The following COL6A6 variants were observed in gnomAD, a reference collection of about 807,000 sequenced individuals.
COL6A6 encodes the protein collagen type VI alpha 6 chain.
In COL6A6, 183 loss-of-function variants were observed where a neutral mutation model predicts 208.6. The observed-to-expected ratio is 0.88, with a 90% CI of 0.78 to 0.99. The LOEUF is 0.99. Ranked by LOEUF, COL6A6 falls within the 50% of genes least tolerant of loss-of-function variation. COL6A6 has a pLI of 0.00. For synonymous variants in COL6A6, 973 were observed against 1,011.8 expected (o/e 0.96, Z 0.73); for missense variants, 2,816 against 2,815.2 (o/e 1.00, Z -0.01).
At chr3:130,520,895 G>A (rs1353276764) in intron 1 of COL6A6, among the ~76,000 whole-genome samples, 2 of 152,036 alleles carry the variant, frequency 1.3e-5, no homozygotes, top group African/African-American at 2.4e-5. Flanking sequence ...TAACAGTCCC[G>A]AAGAACAAGT....
intron 21 of COL6A6, 32 bp downstream of exon 21, chr3:130,606,998 A>G (rs745333486): frequency 1.3e-6 from 2 of 1,548,608 alleles, no homozygotes; most frequent in Non-Finnish European, 1.8e-6. Flanking sequence ...ACTCCAAATA[A>G]CAAATACTGC....
At chr3:130,587,338 G>A (rs2063564901) in intron 11 of COL6A6, among the ~76,000 whole-genome samples, 2 of 152,162 alleles carry the variant, frequency 1.3e-5, no homozygotes, top group Non-Finnish European at 2.9e-5. Flanking sequence ...TCAGCTTATT[G>A]CAATCTCTGC....
chr3:130,660,570 A>G lies in COL6A6; in HGVS notation c.5831-1067A>G, dbSNP rs535312301. On this transcript the variant is annotated intron_variant, in intron 34 of 36. Coordinates refer to ENST00000358511, the MANE Select transcript of COL6A6 (RefSeq NM_001102608.3). ...AGGCTATTTTCATCCTCAACCATCA[A>G]CTACTATTGAAAACCCAGGATTACA... 3.9e-5 allele frequency among the ~76,000 whole-genome samples: 6 copies of G among 152,364 alleles called. No individual in the cohort carries two copies. The East Asian group carries it at 1.2e-3, about 29-fold the overall frequency.
chr3:130,661,926 T>A lies in COL6A6; in HGVS notation c.6120T>A (p.Ser2040Arg). Reference protein sequence around the residue: ...RAEFNLTTYRSKRLMKRHVHE... With the variant: ...RAEFNLTTYRRKRLMKRHVHE... ...AGTTCAATCTTACCACCTACAGAAG[T>A]AAGCGCCTCATGAAGAGGCATGTGC... Residue 2040 changes from serine to arginine, a missense_variant, in exon 35 of 37, where the codon AGT becomes AGA. Transcript: ENST00000358511. 1 of 1,613,984 alleles carries A rather than the reference T, an allele frequency of 6.2e-7. No individual in the cohort carries two copies.
chr3:130,602,433 AAG>A (rs1020589055), intron 20 of COL6A6, among the ~76,000 whole-genome samples: 1 of 152,222 alleles, frequency 6.6e-6, no homozygotes, highest in African/African-American at 2.4e-5. Context: ...CTGCAAGAGA[AAG>A]AAAACCATGG....
rs1396293715 is a variant in COL6A6, at chr3:130,675,727, T to G, written c.*330T>G. On this transcript the variant is annotated 3_prime_UTR_variant, in exon 37 of 37. Transcript: ENST00000358511. ...ACATGGGTCAATGTTAATTCTTTTA[T>G]CTCTGTCCAGTTCATTTTCTGCAAA... 5.5e-6 allele frequency: 1 copy of G among 181,502 alleles called. No individual in the cohort carries two copies. Among genetic ancestry groups the G allele is most frequent in the Non-Finnish European group, 1.1e-5 (1 of 87,724 alleles). The allele number at this position is 181,502 out of a possible 1,614,324, so 11.2% of individuals were successfully genotyped here. A position where few individuals can be genotyped will look rare whatever the true frequency, so the allele number is the denominator to read the frequency against.
rs1473046809 is a variant in COL6A6 at position 130,635,743 on chromosome 3, G to A, written c.5073G>A (p.Lys1691=). 6.2e-7 allele frequency: 1 copy of A among 1,612,360 alleles called. No homozygotes were observed. The highest frequency in any genetic ancestry group is 8.5e-7 in the Non-Finnish European group (1 of 1,178,580). Residue 1691 remains lysine (K), a synonymous_variant, in exon 28 of 37, where the codon AAG becomes AAA. Transcript: ENST00000358511. ...GTGGTCCAGGAGAGACTGGGCTGAA[G>A]GGAGCTAGAGGCAAAATGGTAAGCT... ...DPGGPGETGL[K]GARGKMISAG...
intron 1 of COL6A6, among the ~76,000 whole-genome samples, chr3:130,525,840 C>G (rs1228678943): frequency 1.3e-5 from 2 of 152,172 alleles, no homozygotes; most frequent in Non-Finnish European, 2.9e-5. Flanking sequence ...CACATTCCTC[C>G]TGGGCTAGTT....
At chr3:130,595,690 G>A (rs1360648149) in intron 18 of COL6A6, among the ~76,000 whole-genome samples, 1 of 152,112 alleles carries the variant, frequency 6.6e-6, no homozygotes, top group African/African-American at 2.4e-5. Context: ...AATATACCAT[G>A]ATTTATTTGT....
At chr3:130,668,008 T>C (rs1471045178) in intron 36 of COL6A6, among the ~76,000 whole-genome samples, 1 of 151,466 alleles carries the variant, frequency 6.6e-6, no homozygotes, top group Non-Finnish European at 1.5e-5. Context: ...ATAATTATTT[T>C]TTAAAAATAA....
In COL6A6 at chr3:130,675,373, A is replaced by G. The variant is rs780094049; in HGVS notation, c.6768A>G (p.Glu2256=). The G allele has an allele frequency of 1.3e-6, 2 of 1,590,618 alleles. No individual in the cohort carries two copies. The highest frequency in any genetic ancestry group is 1.7e-6 in the Non-Finnish European group (2 of 1,168,872). Residue 2256 remains glutamate, a synonymous_variant, in exon 37 of 37, where the codon GAA becomes GAG. Transcript: ENST00000358511. ...SHTFKNGRMI[E]SAPKQHD ...CCTTTAAGAATGGAAGGATGATAGA[A>G]AGTGCTCCCAAACAACATGATTAAA...
Position 130,662,053 on chromosome 3 carries a change from A to C in COL6A6, c.6247A>C (p.Lys2083Gln). Residue 2083 changes from lysine to glutamine, a missense_variant, in exon 35 of 37, where the codon AAA becomes CAA. Lys to Gln is a moderately conservative substitution (Grantham distance 53, BLOSUM62 1). Transcript: ENST00000358511. The stretch of plus-strand genomic sequence containing the variant: ...AAGTACACCCAATCTGAGAAGAAAC[A>C]AAGTCATATTTGTGATATCTGCTGG... ...FLSTPNLRRN[K>Q]VIFVISAGET... 1 of 1,614,030 alleles carries C rather than the reference A, an allele frequency of 6.2e-7. No homozygotes were observed. Among genetic ancestry groups the C allele is most frequent in the Middle Eastern group, 1.6e-4 (1 of 6,062 alleles).
At chr3:130,638,133 T>C (rs905163783) in intron 28 of COL6A6, among the ~76,000 whole-genome samples, 6 of 151,516 alleles carry the variant, frequency 4.0e-5, no homozygotes, top group Non-Finnish European at 7.4e-5. Flanking sequence ...AAGTTTGTTA[T>C]ATTAAAAAAA....
rs144960186 is a variant in COL6A6 at position 130,606,760 on chromosome 3, T to G, written c.4654-171T>G. 5.3e-3 allele frequency among the ~76,000 whole-genome samples: 800 copies of G among 152,330 alleles called. 4 individuals carry two copies. The highest frequency in any genetic ancestry group is 0.017 in the African/African-American group (714 of 41,572). ...TATTCAATTGCCCTAGGATAGAAAT[T>G]TAGATTTAGCAGTATTTTGCTTTCA... On this transcript the variant is annotated intron_variant, in intron 20 of 36. Transcript: ENST00000358511.
chr3:130,521,337 A>T (rs982432514), intron 1 of COL6A6, among the ~76,000 whole-genome samples: 2 of 152,232 alleles, frequency 1.3e-5, no homozygotes, highest in Admixed American at 1.3e-4. Context: ...AACTTTGAAG[A>T]TCATAAGCAA....
At chr3:130,575,798 G>C (rs2063280985) in intron 8 of COL6A6, among the ~76,000 whole-genome samples, 1 of 152,180 alleles carries the variant, frequency 6.6e-6, no homozygotes, top group Non-Finnish European at 1.5e-5. Flanking sequence ...CGTGTCTAAA[G>C]CTGGGTCCAT....
chr3:130,558,599 T>A (rs2062816388), intron 1 of COL6A6, among the ~76,000 whole-genome samples: 1 of 152,220 alleles, frequency 6.6e-6, no homozygotes, highest in Admixed American at 6.5e-5. Flanking sequence ...CAGATGTTCA[T>A]CCTTCACTCA....
In COL6A6 at chr3:130,676,241, A is replaced by G. The variant is rs1459908311; in HGVS notation, c.*844A>G. 2 of 152,242 alleles carry G rather than the reference A, an allele frequency of 1.3e-5. No homozygotes were observed. Among genetic ancestry groups the G allele is most frequent in the African/African-American group, 2.4e-5 (1 of 41,470 alleles). 9.4% of individuals were successfully genotyped at this position (152,242 alleles called of 1,614,324 possible). A position where few individuals can be genotyped will look rare whatever the true frequency, so the allele number is the denominator to read the frequency against. On this transcript the variant is annotated 3_prime_UTR_variant, in exon 37 of 37. Coordinates refer to ENST00000358511, the MANE Select transcript of COL6A6 (RefSeq NM_001102608.3). ...TACCCATCAGGTAGCTGTTTAGTCAATAATAAACAGCACCAAAACAGGATT... is the reference window on the plus strand; with the variant it reads ...TACCCATCAGGTAGCTGTTTAGTCAGTAATAAACAGCACCAAAACAGGATT...
chr3:130,634,226 T>TAAAAAAAA (rs1559769541), intron 26 of COL6A6, among the ~76,000 whole-genome samples: 1 of 69,432 alleles, frequency 1.4e-5, no homozygotes, highest in East Asian at 4.1e-4. Context: ...AATAAATAAA[T>TAAAAAAAA]AAATAAATAA....
Sources: gnomAD v4.1 joint callset for allele counts (sites outside exome capture counted in the v4.1 genomes callset) on GRCh38, gnomAD v4.1.1 for gene constraint, MANE v1.5 for transcripts, NCBI Gene and HGNC (gene_info 2026-07-23, HGNC 2026-07-21) for gene names.